The following NXNL2 variants were observed in gnomAD, a reference collection of about 807,000 sequenced individuals.
The protein encoded by NXNL2 is nucleoredoxin like 2, also known as nucleoredoxin-like protein 2.
A neutral mutation model predicts 11.1 loss-of-function variants in NXNL2; 7 were observed. The observed-to-expected ratio is 0.63, with a 90% CI of 0.36 to 1.18. NXNL2 has a LOEUF of 1.18. Ranked by LOEUF, NXNL2 falls within the 50% of genes most tolerant of loss-of-function variation. The pLI, the probability that NXNL2 is intolerant of heterozygous loss-of-function variation, is 0.02. For missense variants in NXNL2, 233 were observed against 217.7 expected (o/e 1.07, Z -0.44); for synonymous variants, 109 against 101.8 (o/e 1.07, Z -0.42).
chr9:88,580,133 C>T (rs552466366), downstream of NXNL2, among the ~76,000 whole-genome samples: 61 of 148,180 alleles, frequency 4.1e-4, no homozygotes, highest in African/African-American at 1.5e-3. Flanking sequence ...AGCAAGACTC[C>T]ATCTCAAAAA....
intron 1 of NXNL2, among the ~76,000 whole-genome samples, chr9:88,555,398 G>A (rs1192063496): frequency 6.6e-6 from 1 of 152,130 alleles, no homozygotes; most frequent in Non-Finnish European, 1.5e-5. Context: ...CATGGCATCT[G>A]TTAACTGTCA....
At chr9:88,541,852 A>G (rs139871987) in intron 1 of NXNL2, among the ~76,000 whole-genome samples, 2 of 152,260 alleles carry the variant, frequency 1.3e-5, no homozygotes, top group African/African-American at 4.8e-5. Context: ...AGTATATTCC[A>G]TATTGTTTTG....
chr9:88,552,527 C>G (rs543495201), intron 1 of NXNL2, among the ~76,000 whole-genome samples: 2 of 147,328 alleles, frequency 1.4e-5, no homozygotes, highest in Non-Finnish European at 3.0e-5. Flanking sequence ...GGCTGGAGTG[C>G]AATGGCGATC....
Position 88,562,939 on chromosome 9 carries a change from T to G in NXNL2, c.303-8148T>G, listed in dbSNP as rs913931711. Among the ~76,000 whole-genome samples, 4 of 150,774 alleles carry G rather than the reference T, an allele frequency of 2.7e-5. No individual in the cohort carries two copies. The East Asian group carries it at 5.9e-4, about 22-fold the overall frequency. ...CCTGTTTCTACTAAAAATACAAAAA[T>G]TAGCTGGGCGTGGTGGCACACACCT... On this transcript the variant is annotated intron_variant, in intron 1 of 2. Transcript: ENST00000375855.
At chr9:88,537,708 C>G (rs1276676285) in intron 1 of NXNL2, among the ~76,000 whole-genome samples, 1 of 152,232 alleles carries the variant, frequency 6.6e-6, no homozygotes, top group Non-Finnish European at 1.5e-5. Context: ...ATGCCTTGCT[C>G]CAACTCTCCG....
chr9:88,535,800 T>A, intron 1 of NXNL2, 64 bp downstream of exon 1: 1 of 1,341,230 alleles, frequency 7.5e-7, no homozygotes, highest in Non-Finnish European at 1.0e-6. Flanking sequence ...CCCCCAGGCC[T>A]CCCCCTCTGC....
At chr9:88,560,815 C>A (rs115059509) in intron 1 of NXNL2, among the ~76,000 whole-genome samples, 1 of 152,114 alleles carries the variant, frequency 6.6e-6, no homozygotes. Flanking sequence ...TATAGGTTCT[C>A]ATTTCCAGCA....
chr9:88,565,402 G>A (rs12683353), intron 1 of NXNL2, among the ~76,000 whole-genome samples: 23,274 of 152,158 alleles, frequency 0.15, 3,090 homozygotes, highest in East Asian at 0.78. Context: ...GATCATATGA[G>A]AGTTCTATTT....
At chr9:88,563,828 C>T (rs1365104782) in intron 1 of NXNL2, among the ~76,000 whole-genome samples, 1 of 152,150 alleles carries the variant, frequency 6.6e-6, no homozygotes, top group Admixed American at 6.6e-5. Flanking sequence ...TTGTTCACAC[C>T]TCTGCCTAAA....
intron 1 of NXNL2, among the ~76,000 whole-genome samples, chr9:88,562,345 CT>C (rs1210666624): frequency 2.0e-5 from 3 of 152,044 alleles, no homozygotes; most frequent in African/African-American, 7.2e-5. Context: ...TGGAGGTGCT[CT>C]GCATCTCCAT....
At chr9:88,581,981 A>T (rs1830412925) in intron 1 of NXNL2, among the ~76,000 whole-genome samples, 1 of 152,196 alleles carries the variant, frequency 6.6e-6, no homozygotes. Flanking sequence ...GTTTTGGCAC[A>T]TCTCCTTATG....
chr9:88,551,028 T>A (rs1829923780), intron 1 of NXNL2, among the ~76,000 whole-genome samples: 1 of 152,172 alleles, frequency 6.6e-6, no homozygotes, highest in Non-Finnish European at 1.5e-5. Context: ...TCCATGCTTG[T>A]CGGGGGTGGC....
In NXNL2 at chr9:88,535,609, G is replaced by A. The variant is rs1737320204; in HGVS notation, c.175G>A (p.Ala59Thr). 5.6e-6 allele frequency: 9 copies of A among 1,608,892 alleles called. No homozygotes were observed. Among genetic ancestry groups the A allele is most frequent in the Non-Finnish European group, 7.6e-6 (9 of 1,179,322 alleles). The change falls in exon 1 of 2, where the codon GCG becomes ACG. Residue 59 changes from alanine to threonine, a missense_variant. Ala to Thr is a moderately conservative substitution (Grantham distance 58). Transcript: ENST00000375854. The stretch of plus-strand genomic sequence containing the variant: ...CTTCTATACGGCGCTGGTGGCCGAG[G>A]CGCGGCGGCCCGCGCCCTTCGAAGT... ...CDFYTALVAEARRPAPFEVVF... is the reference protein window; with the variant it reads ...CDFYTALVAETRRPAPFEVVF...
chr9:88,560,799 C>T (rs903718767), intron 1 of NXNL2, among the ~76,000 whole-genome samples: 3 of 152,080 alleles, frequency 2.0e-5, no homozygotes, highest in Non-Finnish European at 4.4e-5. Context: ...GAATGTTGAA[C>T]GTCACTATAG....
chr9:88,546,190 A>C (rs1342046259), downstream of NXNL2, among the ~76,000 whole-genome samples: 1 of 146,054 alleles, frequency 6.8e-6, no homozygotes, highest in Non-Finnish European at 1.5e-5. Flanking sequence ...AACCACAACC[A>C]CACACTTTTA....
chr9:88,583,196 G>A (rs541595219), intron 1 of NXNL2, among the ~76,000 whole-genome samples: 76 of 152,228 alleles, frequency 5.0e-4, no homozygotes, highest in Non-Finnish European at 9.7e-4. Context: ...GTGCAGCACT[G>A]TTCAAGTCTC....
chr9:88,552,627 C>T (rs549053192), intron 1 of NXNL2, among the ~76,000 whole-genome samples: 7 of 152,078 alleles, frequency 4.6e-5, no homozygotes, highest in South Asian at 4.2e-4. Context: ...CCCACCACCA[C>T]GCCCAGCTAA....
At position 88,535,290 on chromosome 9, in the gene NXNL2, G is replaced by T. The variant is rs1829577770; in HGVS notation, c.-145G>T. The T allele has an allele frequency of 1.4e-5, 10 of 726,854 alleles. No homozygotes were observed. In the South Asian group the frequency reaches 1.9e-4, roughly 14 times the overall value. The allele number at this position is 726,854 out of a possible 1,614,324, so 45.0% of individuals were successfully genotyped here. A position where few individuals can be genotyped will look rare whatever the true frequency, so the allele number is the denominator to read the frequency against. On this transcript the variant is annotated 5_prime_UTR_variant, in exon 1 of 2. Coordinates refer to ENST00000375854, the MANE Select transcript of NXNL2 (RefSeq NM_001161625.2). ...CACAGGCGAGGCCTGGCCAAGGTGT[G>T]GGCGCATCTGGGGCAGGTCTTGAGA...
At position 88,544,529 on chromosome 9, in the gene NXNL2, C is replaced by T; in HGVS notation, c.453C>T (p.Phe151=). Residue 151 remains phenylalanine, a synonymous_variant, in exon 2 of 2, where the codon TTC becomes TTT. Coordinates refer to ENST00000375854, the MANE Select transcript of NXNL2 (RefSeq NM_001161625.2). ...ACTGGGTGGAGGCGGCCGATATCTT[C>T]CAGAATTTCTCCGTTTGAAGTGGGA... ...FQDWVEAADI[F]QNFSV The T allele has an allele frequency of 6.5e-7, 1 of 1,540,790 alleles. No homozygotes were observed. The highest frequency in any genetic ancestry group is 8.8e-7 in the Non-Finnish European group (1 of 1,141,314).
Sources: gnomAD v4.1 joint callset for allele counts (sites outside exome capture counted in the v4.1 genomes callset) on GRCh38, gnomAD v4.1.1 for gene constraint, MANE v1.5 for transcripts, NCBI Gene and HGNC (gene_info 2026-07-23, HGNC 2026-07-21) for gene names.